The following NKAIN2 variants were observed in gnomAD, a reference collection of about 807,000 sequenced individuals.
NKAIN2 encodes sodium/potassium-transporting ATPase subunit beta-1-interacting protein 2.
Under a neutral mutation model 32.6 loss-of-function variants are expected in NKAIN2, and 14 were observed. The ratio of observed to expected loss-of-function variants is 0.43; its 90% CI spans 0.28 to 0.67. The LOEUF (loss-of-function observed/expected upper bound fraction) is 0.67, where lower values mean the gene tolerates loss of function less well. Ranked by LOEUF, NKAIN2 falls within the 30% of genes least tolerant of loss-of-function variation. The pLI is 0.17. For synonymous variants in NKAIN2, 80 were observed against 87.2 expected (o/e 0.92, Z 0.46); for missense variants, 198 against 258.3 (o/e 0.77, Z 1.60).
At chr6:123,911,262 A>G (rs564021620) in intron 1 of NKAIN2, among the ~76,000 whole-genome samples, 1 of 152,248 alleles carries the variant, frequency 6.6e-6, no homozygotes, top group East Asian at 1.9e-4. Context: ...AAAAAGATTT[A>G]TTTGGCTCAT....
At chr6:124,781,749 A>T (rs1488923869) in intron 4 of NKAIN2, among the ~76,000 whole-genome samples, 2 of 152,156 alleles carry the variant, frequency 1.3e-5, no homozygotes, top group Non-Finnish European at 2.9e-5. Context: ...AGAAAGGGTC[A>T]GTGAAGAACA....
chr6:124,420,251 C>T (rs1296612308), intron 3 of NKAIN2, among the ~76,000 whole-genome samples: 1 of 152,096 alleles, frequency 6.6e-6, no homozygotes, highest in Admixed American at 6.6e-5. Context: ...AGTAGGAAAC[C>T]ATTTCCTTTG....
chr6:123,818,055 A>G (rs2114880122), intron 1 of NKAIN2, among the ~76,000 whole-genome samples: 1 of 152,268 alleles, frequency 6.6e-6, no homozygotes, highest in South Asian at 2.1e-4. Context: ...ACCGCTGATG[A>G]ATATTTGACA....
At chr6:124,274,759 T>C (rs1055865428) in intron 1 of NKAIN2, among the ~76,000 whole-genome samples, 6 of 152,044 alleles carry the variant, frequency 3.9e-5, no homozygotes, top group Non-Finnish European at 7.4e-5. Flanking sequence ...ATAATTATTA[T>C]CACAGAATGC....
At position 124,123,913 on chromosome 6, in the gene NKAIN2, C is replaced by T. The variant is rs150933497; in HGVS notation, c.55-159092C>T. ...GAGAGAGAGAGAGAAATCTAAGACT[C>T]GACTTTGGTTAATTGGATTGTCCAG... is the stretch of plus-strand genomic sequence containing the variant. On this transcript the variant is annotated intron_variant, in intron 1 of 6. Coordinates refer to ENST00000368417, the MANE Select transcript of NKAIN2 (RefSeq NM_001040214.3). Among the ~76,000 whole-genome samples, 11 of 152,186 alleles carry T rather than the reference C, an allele frequency of 7.2e-5. No individual in the cohort carries two copies. In the East Asian group the frequency reaches 1.7e-3, roughly 24 times the overall value.
intron 4 of NKAIN2, among the ~76,000 whole-genome samples, chr6:124,679,651 G>T (rs1220273151): frequency 6.6e-6 from 1 of 152,138 alleles, no homozygotes; most frequent in Non-Finnish European, 1.5e-5. Context: ...AGGAAAGAGA[G>T]CCTGAGAATT....
chr6:124,412,830 A>C (rs923341373), intron 3 of NKAIN2, among the ~76,000 whole-genome samples: 5 of 152,032 alleles, frequency 3.3e-5, no homozygotes, highest in African/African-American at 4.8e-5. Context: ...ACCCAGTTCG[A>C]GCTTCCTGGC....
chr6:124,754,899 G>C (rs1285244525), intron 4 of NKAIN2, among the ~76,000 whole-genome samples: 1 of 152,140 alleles, frequency 6.6e-6, no homozygotes, highest in Non-Finnish European at 1.5e-5. Flanking sequence ...GCCCATCAAT[G>C]ATAGAGTGGA....
intron 1 of NKAIN2, among the ~76,000 whole-genome samples, chr6:123,922,309 C>A (rs936733346): frequency 6.6e-6 from 1 of 152,088 alleles, no homozygotes; most frequent in Non-Finnish European, 1.5e-5. Context: ...AATTGGAGAG[C>A]TTGTATTGAA....
chr6:124,544,022 A>G (rs921572152), intron 3 of NKAIN2, among the ~76,000 whole-genome samples: 4 of 152,216 alleles, frequency 2.6e-5, no homozygotes, highest in Non-Finnish European at 5.9e-5. Flanking sequence ...TGAGAGAGCT[A>G]TCCAAAGATC....
chr6:124,581,396 G>A (rs9491196), intron 3 of NKAIN2, among the ~76,000 whole-genome samples: 15,579 of 144,160 alleles, frequency 0.11, 1,159 homozygotes, highest in African/African-American at 0.21. Context: ...CCGAGATTGC[G>A]CCACTGCAGT....
chr6:124,542,416 G>T (rs1779944898), intron 3 of NKAIN2, among the ~76,000 whole-genome samples: 1 of 151,974 alleles, frequency 6.6e-6, no homozygotes. Flanking sequence ...TGTATTTTTA[G>T]CCTCAACTAA....
intron 3 of NKAIN2, among the ~76,000 whole-genome samples, chr6:124,645,845 T>G (rs560305892): frequency 1.3e-5 from 2 of 152,358 alleles, no homozygotes; most frequent in African/African-American, 4.8e-5. Flanking sequence ...CTCTGTTCAC[T>G]CCTTCACTTC....
chr6:124,242,729 C>T (rs976235396), intron 1 of NKAIN2, among the ~76,000 whole-genome samples: 7 of 152,100 alleles, frequency 4.6e-5, no homozygotes, highest in African/African-American at 1.4e-4. Context: ...AGGATGAGTT[C>T]GTGTCCTTTG....
chr6:124,162,073 T>C (rs1788308398), intron 1 of NKAIN2, among the ~76,000 whole-genome samples: 1 of 152,164 alleles, frequency 6.6e-6, no homozygotes, highest in African/African-American at 2.4e-5. Flanking sequence ...TTCTTTTATT[T>C]CTGGGGAAAG....
chr6:124,243,350 C>T (rs1002309194), intron 1 of NKAIN2, among the ~76,000 whole-genome samples: 1 of 151,892 alleles, frequency 6.6e-6, no homozygotes, highest in Non-Finnish European at 1.5e-5. Flanking sequence ...CAAAAGTTAG[C>T]TGAGCATAGT....
chr6:124,412,794 G>A (rs1774266921), intron 3 of NKAIN2, among the ~76,000 whole-genome samples: 1 of 152,200 alleles, frequency 6.6e-6, no homozygotes, highest in Non-Finnish European at 1.5e-5. Context: ...TAGGCAGGCA[G>A]GCCTCCTTGA....
At chr6:124,037,693 T>A (rs73561066) in intron 1 of NKAIN2, among the ~76,000 whole-genome samples, 18,130 of 152,124 alleles carry the variant, frequency 0.12, 3,308 homozygotes, top group African/African-American at 0.39. Context: ...TAATAACATT[T>A]GTCCGAAGAC....
chr6:123,965,098 G>A (rs945683629), intron 1 of NKAIN2, among the ~76,000 whole-genome samples: 3 of 152,004 alleles, frequency 2.0e-5, no homozygotes, highest in Admixed American at 6.6e-5. Context: ...TGTCTTCATA[G>A]CATGAGTGCC....
Sources: gnomAD v4.1 joint callset for allele counts (sites outside exome capture counted in the v4.1 genomes callset) on GRCh38, gnomAD v4.1.1 for gene constraint, MANE v1.5 for transcripts, NCBI Gene and HGNC (gene_info 2026-07-23, HGNC 2026-07-21) for gene names.